The following TRAPPC9 variants were observed in gnomAD, a reference collection of about 807,000 sequenced individuals.
The protein encoded by TRAPPC9 is IKK2 binding protein.
TRAPPC9 carries 83 observed loss-of-function variants against 124.0 expected under a neutral mutation model. That is an observed-to-expected ratio of 0.67 (90% CI 0.56 to 0.80). The LOEUF is 0.80. TRAPPC9 is among the 30% of genes least tolerant of loss of function. The pLI, the probability that TRAPPC9 is intolerant of heterozygous loss-of-function variation, is 0.00. For synonymous variants in TRAPPC9, 638 were observed against 617.5 expected (o/e 1.03, Z -0.49); for missense variants, 1,302 against 1,508.3 (o/e 0.86, Z 2.27).
rs1228353322 is a variant in TRAPPC9 at position 139,817,045 on chromosome 8, AAC to A, written c.3055+68832_3055+68833del. Among the ~76,000 whole-genome samples, 587 of 135,156 alleles carry A rather than the reference AAC, an allele frequency of 4.3e-3. 6 individuals are homozygous for A. Among genetic ancestry groups the A allele is most frequent in the Middle Eastern group, 0.012 (3 of 256 alleles). The allele number at this position is 135,156 out of a possible 152,430, so 88.7% of individuals were successfully genotyped here. ...CTTCAGTAAGGAAGAACATAAACTA[AAC>A]ACACACACACACACACACACACACA... On this transcript the variant is annotated intron_variant, in intron 21 of 22. Coordinates refer to ENST00000438773, the MANE Select transcript of TRAPPC9 (RefSeq NM_001160372.4).
intron 5 of TRAPPC9, among the ~76,000 whole-genome samples, chr8:140,411,248 C>CT (rs1166211954): frequency 6.6e-6 from 1 of 152,194 alleles, no homozygotes; most frequent in African/African-American, 2.4e-5. Flanking sequence ...ACCTTGGTTT[C>CT]TAAATACCAC....
At position 140,291,167 on chromosome 8, in the gene TRAPPC9, T is replaced by C. The variant is rs148467174; in HGVS notation, c.1769-89A>G. 6,294 of 1,224,212 alleles carry C rather than the reference T, an allele frequency of 5.1e-3. 32 individuals are homozygous for C. The highest frequency in any genetic ancestry group is 6.9e-3 in the Non-Finnish European group (5,718 of 827,974). The allele number at this position is 1,224,212 out of a possible 1,614,324, so 75.8% of individuals were successfully genotyped here. ...GTTTCCAATTATTCCTCTGGCAATTTACATTCTCAGTGAGGCAGCAGGCTC... is the reference window on the plus strand; with the variant it reads ...GTTTCCAATTATTCCTCTGGCAATTCACATTCTCAGTGAGGCAGCAGGCTC... On this transcript the variant is annotated intron_variant, in intron 11 of 22. Coordinates refer to ENST00000438773, the MANE Select transcript of TRAPPC9 (RefSeq NM_001160372.4).
At chr8:139,970,983 C>T (rs575956466) in intron 19 of TRAPPC9, among the ~76,000 whole-genome samples, 1 of 151,022 alleles carries the variant, frequency 6.6e-6, no homozygotes, top group African/African-American at 2.4e-5. Flanking sequence ...TGGCCCAAAC[C>T]CTTCCCCTCC....
At chr8:139,853,053 A>T (rs2035136) in intron 21 of TRAPPC9, among the ~76,000 whole-genome samples, 92,328 of 152,086 alleles carry the variant, frequency 0.61, 30,577 homozygotes, top group African/African-American at 0.87. Context: ...AGGCTTCCCA[A>T]GAAGTGTTCC....
At chr8:139,883,686 T>C (rs1389974993) in intron 21 of TRAPPC9, among the ~76,000 whole-genome samples, 1 of 152,252 alleles carries the variant, frequency 6.6e-6, no homozygotes, top group Non-Finnish European at 1.5e-5. Context: ...CATTAAGGAC[T>C]AAAGCTTTTC....
At chr8:140,142,759 T>G (rs1167295801) in intron 17 of TRAPPC9, among the ~76,000 whole-genome samples, 2 of 152,208 alleles carry the variant, frequency 1.3e-5, no homozygotes, top group Admixed American at 1.3e-4. Context: ...CTTAGCCACG[T>G]TATTAGTTTA....
intron 11 of TRAPPC9, among the ~76,000 whole-genome samples, chr8:140,292,093 C>G (rs997425235): frequency 1.3e-5 from 2 of 152,224 alleles, no homozygotes; most frequent in Admixed American, 1.3e-4. Flanking sequence ...TCATTTGTTA[C>G]AAAGCAACAG....
chr8:139,981,868 G>A lies in TRAPPC9; in HGVS notation c.2810+6858C>T, dbSNP rs1020655893. 5.3e-5 allele frequency among the ~76,000 whole-genome samples: 8 copies of A among 152,186 alleles called. 1 individual carries two copies. Among genetic ancestry groups the A allele is most frequent in the African/African-American group, 1.7e-4 (7 of 41,456 alleles). Reference sequence around the variant, plus strand: ...TATCAAGACACAGCCAGAGCTGGCCGCTCAGATCCTGCCGGCGGTCCATCT... The same window carrying A: ...TATCAAGACACAGCCAGAGCTGGCCACTCAGATCCTGCCGGCGGTCCATCT... On this transcript the variant is annotated intron_variant, in intron 19 of 22. Transcript: ENST00000438773.
At chr8:140,447,932 G>A (rs929351875) in intron 2 of TRAPPC9, among the ~76,000 whole-genome samples, 1 of 152,048 alleles carries the variant, frequency 6.6e-6, no homozygotes, top group Non-Finnish European at 1.5e-5. Context: ...ATCACTTGAG[G>A]TCAGGAGTTC....
At chr8:140,003,745 G>C (rs1168452830) in intron 18 of TRAPPC9, among the ~76,000 whole-genome samples, 1 of 152,162 alleles carries the variant, frequency 6.6e-6, no homozygotes, top group Non-Finnish European at 1.5e-5. Flanking sequence ...TGCTAGTAGA[G>C]ATGGAAAATG....
intron 21 of TRAPPC9, among the ~76,000 whole-genome samples, chr8:139,877,362 C>G (rs1295538526): frequency 6.6e-6 from 1 of 152,218 alleles, no homozygotes; most frequent in Non-Finnish European, 1.5e-5. Flanking sequence ...AGGGAGCATG[C>G]TGGGTTTCTG....
chr8:139,818,440 G>C (rs1199913486), intron 21 of TRAPPC9, among the ~76,000 whole-genome samples: 2 of 152,162 alleles, frequency 1.3e-5, no homozygotes, highest in African/African-American at 2.4e-5. Flanking sequence ...GCCAGGCATG[G>C]TGGTGTGTGC....
chr8:140,192,659 T>G (rs994854672), intron 17 of TRAPPC9, among the ~76,000 whole-genome samples: 1 of 152,260 alleles, frequency 6.6e-6, no homozygotes, highest in African/African-American at 2.4e-5. Context: ...ATGAGATGCA[T>G]TGAATGAACT....
chr8:140,295,805 G>A (rs1026509990), intron 11 of TRAPPC9, among the ~76,000 whole-genome samples: 1 of 152,198 alleles, frequency 6.6e-6, no homozygotes, highest in African/African-American at 2.4e-5. Context: ...GATCTGTCAA[G>A]CTTCTGCACA....
intron 21 of TRAPPC9, among the ~76,000 whole-genome samples, chr8:139,834,906 A>G (rs992891045): frequency 4.1e-4 from 63 of 152,096 alleles, no homozygotes; most frequent in Admixed American, 1.9e-3. Context: ...TCTGAGTCCA[A>G]TGTTTTCCCC....
At chr8:139,734,805 A>G (rs1196175557) in intron 21 of TRAPPC9, among the ~76,000 whole-genome samples, 1 of 152,240 alleles carries the variant, frequency 6.6e-6, no homozygotes, top group East Asian at 1.9e-4. Context: ...GGTGCCCACT[A>G]TAGGGCCCAG....
intron 17 of TRAPPC9, among the ~76,000 whole-genome samples, chr8:140,108,384 G>C (rs1563767272): frequency 6.6e-6 from 1 of 152,176 alleles, no homozygotes; most frequent in Non-Finnish European, 1.5e-5. Context: ...GAGCTAGTTT[G>C]GTCTTTCATC....
At chr8:140,418,191 C>T (rs2070013645) in intron 5 of TRAPPC9, among the ~76,000 whole-genome samples, 1 of 152,084 alleles carries the variant, frequency 6.6e-6, no homozygotes, top group African/African-American at 2.4e-5. Context: ...GCACGTGTAT[C>T]CCAGAACTTA....
At chr8:140,036,305 G>A (rs1164764849) in intron 17 of TRAPPC9, among the ~76,000 whole-genome samples, 1 of 152,174 alleles carries the variant, frequency 6.6e-6, no homozygotes, top group Non-Finnish European at 1.5e-5. Context: ...CAAGCTAGCA[G>A]ATGAAGTCAC....
Sources: gnomAD v4.1 joint callset for allele counts (sites outside exome capture counted in the v4.1 genomes callset) on GRCh38, gnomAD v4.1.1 for gene constraint, MANE v1.5 for transcripts, NCBI Gene and HGNC (gene_info 2026-07-23, HGNC 2026-07-21) for gene names.